LRRC4C: variants seen among roughly 807,000 people sequenced by gnomAD.
LRRC4C encodes the protein leucine-rich repeat-containing protein 4C.
Under a neutral mutation model 33.6 loss-of-function variants are expected in LRRC4C, and 5 were observed. That is an observed-to-expected ratio of 0.15 (90% CI 0.08 to 0.31). The LOEUF (loss-of-function observed/expected upper bound fraction) is 0.31, where lower values mean the gene tolerates loss of function less well. LRRC4C is among the 10% of genes least tolerant of loss of function. LRRC4C has a pLI of 1.00. For missense variants in LRRC4C, 560 were observed against 796.7 expected, an observed-to-expected ratio of 0.70 and a Z score of 3.58; for synonymous variants, 329 against 302.0, an observed-to-expected ratio of 1.09 and a Z score of -0.93.
rs73475924 is a variant in LRRC4C, at chr11:41,441,838, G to C, written c.-496+17593C>G. On this transcript the variant is annotated intron_variant, in intron 1 of 6. Transcript: ENST00000528697. ...AGAAAAATGAACTCCAATTCATTTA[G>C]GTTTCTTGAGTCAAATTACTATTAC... 8.3e-3 allele frequency among the ~76,000 whole-genome samples: 1,261 copies of C among 152,104 alleles called. 16 individuals are homozygous for C. The highest frequency in any genetic ancestry group is 0.029 in the African/African-American group (1,207 of 41,486).
intron 2 of LRRC4C, among the ~76,000 whole-genome samples, chr11:40,655,501 T>C (rs1943055971): frequency 1.3e-5 from 2 of 152,198 alleles, no homozygotes; most frequent in Admixed American, 1.3e-4. Flanking sequence ...TGGGTTCACA[T>C]AACAGAAGGA....
intron 6 of LRRC4C, among the ~76,000 whole-genome samples, chr11:40,138,282 C>T (rs973712399): frequency 2.6e-5 from 4 of 152,090 alleles, no homozygotes; most frequent in Non-Finnish European, 5.9e-5. Context: ...AACCTTCTAC[C>T]TCAGCCTCCC....
chr11:41,005,048 T>C (rs1329249656), intron 1 of LRRC4C, among the ~76,000 whole-genome samples: 4 of 152,146 alleles, frequency 2.6e-5, no homozygotes, highest in African/African-American at 7.2e-5. Flanking sequence ...TCAGATAACA[T>C]GAAACCACTT....
At chr11:40,568,677 C>T (rs1474741038) in intron 3 of LRRC4C, among the ~76,000 whole-genome samples, 1 of 152,050 alleles carries the variant, frequency 6.6e-6, no homozygotes, top group East Asian at 1.9e-4. Context: ...AGCACACAGC[C>T]AGGAGAAATT....
chr11:40,138,395 T>G (rs1857134084), intron 6 of LRRC4C, among the ~76,000 whole-genome samples: 1 of 152,188 alleles, frequency 6.6e-6, no homozygotes, highest in Non-Finnish European at 1.5e-5. Context: ...GAATGAGATA[T>G]TCTCTTGACA....
intron 1 of LRRC4C, among the ~76,000 whole-genome samples, chr11:40,986,583 A>G (rs1026718152): frequency 6.6e-6 from 1 of 152,090 alleles, no homozygotes; most frequent in Non-Finnish European, 1.5e-5. Flanking sequence ...TAAGAGAACA[A>G]AAAAGAAAAA....
chr11:40,998,854 G>A (rs2137351113), intron 1 of LRRC4C, among the ~76,000 whole-genome samples: 1 of 152,128 alleles, frequency 6.6e-6, no homozygotes, highest in Non-Finnish European at 1.5e-5. Flanking sequence ...GATTTCTGGG[G>A]CGTTGTAATT....
intron 3 of LRRC4C, among the ~76,000 whole-genome samples, chr11:40,536,558 T>A (rs895126683): frequency 6.6e-6 from 1 of 152,192 alleles, no homozygotes; most frequent in African/African-American, 2.4e-5. Context: ...AGAACGTCTA[T>A]CCAATCAAGC....
At chr11:40,259,261 T>A (rs917757098) in intron 4 of LRRC4C, among the ~76,000 whole-genome samples, 3 of 149,360 alleles carry the variant, frequency 2.0e-5, no homozygotes, top group South Asian at 4.2e-4. Context: ...TGGGGTTGTT[T>A]GTTTTTTTCT....
chr11:40,727,553 T>G (rs1947343981), intron 2 of LRRC4C, among the ~76,000 whole-genome samples: 1 of 151,950 alleles, frequency 6.6e-6, no homozygotes, highest in African/African-American at 2.4e-5. Flanking sequence ...CAAGAAAAAT[T>G]GGAGCCTAAT....
chr11:40,304,304 G>A (rs888494247), intron 4 of LRRC4C, among the ~76,000 whole-genome samples: 6 of 152,026 alleles, frequency 3.9e-5, no homozygotes, highest in Admixed American at 2.0e-4. Context: ...AAATGCCACC[G>A]GATTTCAAAT....
At chr11:40,924,073 T>C (rs1957305442) in intron 2 of LRRC4C, among the ~76,000 whole-genome samples, 1 of 150,456 alleles carries the variant, frequency 6.6e-6, no homozygotes, top group Admixed American at 6.7e-5. Context: ...TACATATATA[T>C]GTGTGTGTAT....
chr11:40,442,187 A>T (rs978087108), intron 3 of LRRC4C, among the ~76,000 whole-genome samples: 1 of 151,022 alleles, frequency 6.6e-6, no homozygotes, highest in Admixed American at 6.6e-5. Flanking sequence ...AAAAAAAAAA[A>T]AGATCAACTG....
chr11:40,352,779 AT>A (rs1363296231), intron 3 of LRRC4C, among the ~76,000 whole-genome samples: 30 of 142,902 alleles, frequency 2.1e-4, no homozygotes, highest in Non-Finnish European at 1.9e-4. Context: ...TGTTGATAAA[AT>A]CCCTCAGCTC....
At chr11:40,812,429 A>T (rs2135395826) in intron 2 of LRRC4C, among the ~76,000 whole-genome samples, 1 of 152,316 alleles carries the variant, frequency 6.6e-6, no homozygotes, top group African/African-American at 2.4e-5. Flanking sequence ...AGAAATGATA[A>T]TAAAATGATA....
At chr11:40,603,874 C>T (rs1188770929) in intron 3 of LRRC4C, among the ~76,000 whole-genome samples, 3 of 152,196 alleles carry the variant, frequency 2.0e-5, no homozygotes, top group Middle Eastern at 3.4e-3. Flanking sequence ...AATAAAATCA[C>T]GTAAGTATTC....
At chr11:41,026,368 G>T (rs1028454821) in intron 1 of LRRC4C, among the ~76,000 whole-genome samples, 2 of 151,570 alleles carry the variant, frequency 1.3e-5, no homozygotes, top group Non-Finnish European at 3.0e-5. Flanking sequence ...AAGAGAATTA[G>T]AATCAAAAGT....
At chr11:41,141,037 G>A (rs1221731094) in intron 1 of LRRC4C, among the ~76,000 whole-genome samples, 1 of 152,176 alleles carries the variant, frequency 6.6e-6, no homozygotes, top group East Asian at 1.9e-4. Flanking sequence ...TATGATATTT[G>A]CCTTTCTAAA....
rs558259335 is a variant in LRRC4C at position 40,811,697 on chromosome 11, A to G, written c.-407+121938T>C. On this transcript the variant is annotated intron_variant, in intron 2 of 6. Transcript: ENST00000528697. ...TATTTTAGTAGAGAAGGGTTTCACCATGTTGCCCAAGCTGGTCTCAAACTC... is the reference window on the plus strand; with the variant it reads ...TATTTTAGTAGAGAAGGGTTTCACCGTGTTGCCCAAGCTGGTCTCAAACTC... Among the ~76,000 whole-genome samples the G allele has an allele frequency of 1.2e-4, 18 of 152,216 alleles. 1 individual carries two copies. In the East Asian group the frequency reaches 3.5e-3, roughly 30 times the overall value.
Sources: gnomAD v4.1 joint callset for allele counts (sites outside exome capture counted in the v4.1 genomes callset) on GRCh38, gnomAD v4.1.1 for gene constraint, MANE v1.5 for transcripts, NCBI Gene and HGNC (gene_info 2026-07-23, HGNC 2026-07-21) for gene names.